Variants in FAM149B1 observed in about 807,000 individuals in gnomAD.
The protein encoded by FAM149B1 is family with sequence similarity 149 member B1, also known as primary cilium assembly protein FAM149B1.
In FAM149B1, 56 loss-of-function variants were observed where a neutral mutation model predicts 75.3. The ratio of observed to expected loss-of-function variants is 0.74; its 90% CI spans 0.60 to 0.93. FAM149B1 has a LOEUF of 0.93. Ranked by LOEUF, FAM149B1 falls within the 40% of genes least tolerant of loss-of-function variation. The pLI, the probability that FAM149B1 is intolerant of heterozygous loss-of-function variation, is 0.00. For missense variants in FAM149B1, 639 were observed against 708.4 expected (o/e 0.90, Z 1.11); for synonymous variants, 259 against 256.1 (o/e 1.01, Z -0.11).
intron 11 of FAM149B1, 63 bp downstream of exon 11, chr10:73,235,003 G>A: frequency 1.3e-6 from 2 of 1,529,212 alleles, no homozygotes. Context: ...CAGTAATTCT[G>A]CAGGATCTGT....
chr10:73,208,826 T>C, intron 6 of FAM149B1, 40 bp downstream of exon 6: 3 of 1,305,846 alleles, frequency 2.3e-6, no homozygotes, highest in Non-Finnish European at 3.0e-6. Context: ...TCCCCTCTTA[T>C]TTTGTGTATT....
chr10:73,243,948 T>C lies in FAM149B1; in HGVS notation c.*2929T>C, dbSNP rs200313574. The C allele has an allele frequency of 1.8e-5, 29 of 1,609,166 alleles. 1 individual carries two copies. Among genetic ancestry groups the C allele is most frequent in the Non-Finnish European group, 2.5e-5 (29 of 1,176,848 alleles). On this transcript the variant is annotated 3_prime_UTR_variant, in exon 14 of 14. Coordinates refer to ENST00000242505, the MANE Select transcript of FAM149B1 (RefSeq NM_173348.2). Reference sequence around the variant, plus strand: ...CCTGAGCCTGAAACAGGAACTCACATGAGACTCAGGGCCACCAGGAAATGC... The same window carrying C: ...CCTGAGCCTGAAACAGGAACTCACACGAGACTCAGGGCCACCAGGAAATGC...
At chr10:73,207,513 G>A (rs759596092) in intron 5 of FAM149B1, among the ~76,000 whole-genome samples, 6 of 151,754 alleles carry the variant, frequency 4.0e-5, no homozygotes, top group Non-Finnish European at 8.8e-5. Context: ...GCAGTGGGCC[G>A]AGACCCCACC....
chr10:73,187,456 G>A (rs1408054746), intron 3 of FAM149B1, among the ~76,000 whole-genome samples: 2 of 150,812 alleles, frequency 1.3e-5, no homozygotes, highest in Non-Finnish European at 2.9e-5. Flanking sequence ...ATGGCCAGGC[G>A]AGGTGGCTCA....
intron 1 of FAM149B1, 119 bp downstream of exon 1, chr10:73,168,505 TTC>T: frequency 8.2e-7 from 1 of 1,221,570 alleles, no homozygotes; most frequent in Admixed American, 2.4e-5. Context: ...TTCTTCGGAA[TTC>T]TCTCCTCTCA....
At chr10:73,225,581 TAA>T (rs1564710001) in intron 7 of FAM149B1, among the ~76,000 whole-genome samples, 1 of 152,192 alleles carries the variant, frequency 6.6e-6, no homozygotes, top group African/African-American at 2.4e-5. Flanking sequence ...AAAAAATTTA[TAA>T]AGTCAAAAAG....
At position 73,188,767 on chromosome 10, in the gene FAM149B1, AAGG is replaced by A. The variant is rs2042600844; in HGVS notation, c.283-3787_283-3785del. ...AAAGGAAGGAAGGAGGGAAGGAAGG[AAGG>A]AAGGAAGGAAGGAAGGAAGGAAGGA... On this transcript the variant is annotated intron_variant, in intron 3 of 13. Coordinates refer to ENST00000242505, the MANE Select transcript of FAM149B1 (RefSeq NM_173348.2). 6.2e-5 allele frequency among the ~76,000 whole-genome samples: 7 copies of A among 113,548 alleles called. No individual in the cohort carries two copies. In the South Asian group the frequency reaches 1.7e-3, roughly 27 times the overall value. The allele number at this position is 113,548 out of a possible 152,430, so 74.5% of individuals were successfully genotyped here. A position where few individuals can be genotyped will look rare whatever the true frequency, so the allele number is the denominator to read the frequency against.
chr10:73,183,923 T>A (rs1437116324), intron 3 of FAM149B1, among the ~76,000 whole-genome samples: 1 of 152,090 alleles, frequency 6.6e-6, no homozygotes, highest in African/African-American at 2.4e-5. Context: ...GTAGTAAACT[T>A]GGTAGGAAAA....
chr10:73,183,960 T>C (rs2042461411), intron 3 of FAM149B1, among the ~76,000 whole-genome samples: 2 of 152,190 alleles, frequency 1.3e-5, no homozygotes, highest in African/African-American at 4.8e-5. Context: ...CTTGAGGTTT[T>C]AGTCCTGGCT....
In FAM149B1 at chr10:73,241,167, AAAC is replaced by A. The variant is rs2043944311; in HGVS notation, c.*150_*152del. The A allele has an allele frequency of 6.3e-6, 4 of 634,166 alleles. No homozygotes were observed. The highest frequency in any genetic ancestry group is 1.1e-5 in the Non-Finnish European group (4 of 349,408). The allele number at this position is 634,166 out of a possible 1,614,324, so 39.3% of individuals were successfully genotyped here. A position where few individuals can be genotyped will look rare whatever the true frequency, so the allele number is the denominator to read the frequency against. On this transcript the variant is annotated 3_prime_UTR_variant, in exon 14 of 14. Transcript: ENST00000242505. ...TTTTGGCACAAGTGACCGAAGAACAAAACACCATAGCAGCCAAAAATGACATGA... is the reference window on the plus strand; with the variant it reads ...TTTTGGCACAAGTGACCGAAGAACAAACCATAGCAGCCAAAAATGACATGA...
intron 12 of FAM149B1, among the ~76,000 whole-genome samples, chr10:73,237,386 T>C (rs566423396): frequency 5.8e-4 from 89 of 152,278 alleles, no homozygotes; most frequent in Middle Eastern, 3.4e-3. Flanking sequence ...TAAGTAGTAC[T>C]TGATGATTAT....
At chr10:73,170,122 G>C (rs1272183397) in intron 1 of FAM149B1, among the ~76,000 whole-genome samples, 3 of 152,024 alleles carry the variant, frequency 2.0e-5, no homozygotes, top group Non-Finnish European at 4.4e-5. Flanking sequence ...TTTCTGGCTA[G>C]GCTGTCTTCT....
chr10:73,242,466 T>G lies in FAM149B1; in HGVS notation c.*1447T>G. The G allele has an allele frequency of 6.6e-6, 1 of 152,238 alleles. No homozygotes were observed. The highest frequency in any genetic ancestry group is 1.9e-4 in the East Asian group (1 of 5,206). 9.4% of individuals were successfully genotyped at this position (152,238 alleles called of 1,614,324 possible). Reference sequence around the variant, plus strand: ...GTCATTTAGCCCAATTCCCTCACCCTGTGTGTTTTCCCTCAAAGCCAGTGC... The same window carrying G: ...GTCATTTAGCCCAATTCCCTCACCCGGTGTGTTTTCCCTCAAAGCCAGTGC... On this transcript the variant is annotated 3_prime_UTR_variant, in exon 14 of 14. Transcript: ENST00000242505.
At chr10:73,191,216 T>G (rs1361691642) in intron 3 of FAM149B1, among the ~76,000 whole-genome samples, 1 of 150,788 alleles carries the variant, frequency 6.6e-6, no homozygotes, top group Non-Finnish European at 1.5e-5. Flanking sequence ...AATTTTGTAT[T>G]TTTAGTACAG....
Position 73,243,551 on chromosome 10 carries a change from A to G in FAM149B1, c.*2532A>G, listed in dbSNP as rs778117195. The stretch of plus-strand genomic sequence containing the variant: ...GAGAAGTTAAAACACAAGCTTTCAC[A>G]ACATTATCCATAGACAGAAAGTACC... On this transcript the variant is annotated 3_prime_UTR_variant, in exon 14 of 14. Coordinates refer to ENST00000242505, the MANE Select transcript of FAM149B1 (RefSeq NM_173348.2). 9.9e-6 allele frequency: 16 copies of G among 1,613,258 alleles called. No homozygotes were observed. The highest frequency in any genetic ancestry group is 1.3e-5 in the Non-Finnish European group (15 of 1,179,790).
intron 7 of FAM149B1, among the ~76,000 whole-genome samples, chr10:73,225,512 G>C (rs544042387): frequency 6.6e-5 from 10 of 152,272 alleles, no homozygotes; most frequent in Non-Finnish European, 1.3e-4. Context: ...TTTTTGTACA[G>C]TTGTACAGTG....
intron 2 of FAM149B1, among the ~76,000 whole-genome samples, chr10:73,176,374 C>T (rs1843964756): frequency 6.6e-6 from 1 of 152,132 alleles, no homozygotes; most frequent in South Asian, 2.1e-4. Flanking sequence ...AGACCAGCAC[C>T]GGTCTGTGAC....
chr10:73,227,954 AG>A (rs1178705567), intron 7 of FAM149B1, 105 bp from the exon 8 acceptor site: 1 of 1,170,978 alleles, frequency 8.5e-7, no homozygotes, highest in Non-Finnish European at 1.2e-6. Context: ...AGATAAGTGA[AG>A]CCTTGTTTGA....
intron 5 of FAM149B1, chr10:73,201,162 G>T: frequency 3.7e-6 from 1 of 273,062 alleles, no homozygotes; most frequent in South Asian, 5.3e-5. Flanking sequence ...GATTCTTCGT[G>T]ACACTGAGAT....
Sources: allele counts gnomAD v4.1 joint callset (sites outside exome capture counted in the v4.1 genomes callset), GRCh38; gene constraint gnomAD v4.1.1; transcripts MANE v1.5; gene names NCBI Gene and HGNC (gene_info 2026-07-23, HGNC 2026-07-21).